The following UBASH3B variants were observed in gnomAD, a reference collection of about 807,000 sequenced individuals.
UBASH3B encodes ubiquitin associated and SH3 domain containing B, also known as ubiquitin-associated and SH3 domain-containing protein B.
UBASH3B carries 37 observed loss-of-function variants against 83.4 expected under a neutral mutation model. The ratio of observed to expected loss-of-function variants is 0.44; its 90% CI spans 0.34 to 0.58. The LOEUF (loss-of-function observed/expected upper bound fraction) is 0.58. Among genes scored for constraint, UBASH3B ranks in the 20% least tolerant of loss-of-function variants. The pLI, the probability that UBASH3B is intolerant of heterozygous loss-of-function variation, is 0.01. For synonymous variants in UBASH3B, 304 were observed against 318.3 expected (o/e 0.96, Z 0.48); for missense variants, 657 against 827.2 (o/e 0.79, Z 2.52).
intron 1 of UBASH3B, among the ~76,000 whole-genome samples, chr11:122,773,708 C>A (rs1860685786): frequency 1.3e-5 from 2 of 152,068 alleles, no homozygotes; most frequent in Admixed American, 1.3e-4. Flanking sequence ...ATCACCCAAA[C>A]CTTTCATTAT....
chr11:122,723,830 CAGGGTGGCCCTG>C (rs570185940), intron 1 of UBASH3B, among the ~76,000 whole-genome samples: 1 of 152,330 alleles, frequency 6.6e-6, no homozygotes, highest in African/African-American at 2.4e-5. Flanking sequence ...AGGAAGGAGG[CAGGGTGGCCCTG>C]GGGGTGGCTA....
At chr11:122,797,864 G>C (rs1207535213) in intron 9 of UBASH3B, among the ~76,000 whole-genome samples, 1 of 152,284 alleles carries the variant, frequency 6.6e-6, no homozygotes, top group East Asian at 1.9e-4. Flanking sequence ...GAAACAAAGT[G>C]TCTTGTGTCT....
At position 122,799,027 on chromosome 11, in the gene UBASH3B, C is replaced by T. The variant is rs1476443732; in HGVS notation, c.1443C>T (p.Ile481=). ...SLRCVQTAHN[I]LKGLQQENHL... ...GCTGCGTTCAGACTGCACACAATAT[C>T]TTGAAAGGTAAGACTTGCAGGTTGA... The change falls in exon 10 of 14, where the codon ATC becomes ATT. Residue 481 remains isoleucine (I), a synonymous_variant. Transcript: ENST00000284273. The T allele has an allele frequency of 2.5e-6, 4 of 1,613,850 alleles. No individual in the cohort carries two copies. In the East Asian group the frequency reaches 8.9e-5, roughly 36 times the overall value.
intron 10 of UBASH3B, 133 bp from the exon 11 acceptor site, chr11:122,801,055 T>G: frequency 1.8e-6 from 2 of 1,105,532 alleles, no homozygotes; most frequent in Non-Finnish European, 2.6e-6. Flanking sequence ...CAAATCCACA[T>G]GCTTCCATTT....
chr11:122,792,142 C>A (rs1324919358), intron 6 of UBASH3B, among the ~76,000 whole-genome samples: 1 of 151,856 alleles, frequency 6.6e-6, no homozygotes, highest in South Asian at 2.1e-4. Flanking sequence ...GGCTGGCATT[C>A]GTCTTGCCAT....
At chr11:122,809,721 T>A (rs767731987) in intron 13 of UBASH3B, 28 bp from the exon 14 acceptor site, 1 of 1,613,450 alleles carries the variant, frequency 6.2e-7, no homozygotes, top group Admixed American at 1.7e-5. Context: ...TCTCCTAATA[T>A]CCCCTTTCTT....
At chr11:122,771,738 G>A (rs886134566) in intron 1 of UBASH3B, among the ~76,000 whole-genome samples, 2 of 139,482 alleles carry the variant, frequency 1.4e-5, no homozygotes, top group African/African-American at 5.3e-5. Flanking sequence ...CAACTTAAGA[G>A]CTGTGTTAAA....
At chr11:122,729,795 C>CA (rs71054092) in intron 1 of UBASH3B, among the ~76,000 whole-genome samples, 1,414 of 40,750 alleles carry the variant, frequency 0.035, 39 homozygotes, top group African/African-American at 0.07. Flanking sequence ...CCTATCTCTA[C>CA]AAAAAAAAAA....
rs150624943 is a variant in UBASH3B, at chr11:122,808,122, A to G, written c.1758A>G (p.Gln586=). 4.8e-4 allele frequency: 770 copies of G among 1,614,148 alleles called. 3 individuals carry two copies. The African/African-American group carries it at 8.2e-3, about 17-fold the overall frequency. ...HASSLEACTC[Q]LQGLSPQNSK... ...CTTCCCTTGAAGCGTGTACCTGCCA[A>G]CTTCAGGGCCTGTCACCTCAGAACT... Residue 586 remains glutamine (Q), a synonymous_variant, in exon 13 of 14, where the codon CAA becomes CAG. Coordinates refer to ENST00000284273, the MANE Select transcript of UBASH3B (RefSeq NM_032873.5).
At chr11:122,661,627 T>C (rs944197502) in intron 1 of UBASH3B, among the ~76,000 whole-genome samples, 7 of 152,194 alleles carry the variant, frequency 4.6e-5, no homozygotes, top group Admixed American at 4.6e-4. Context: ...CCCTTCTATC[T>C]GTGTTATTAT....
chr11:122,756,260 C>T (rs1304787212), intron 1 of UBASH3B, among the ~76,000 whole-genome samples: 5 of 152,172 alleles, frequency 3.3e-5, no homozygotes, highest in Non-Finnish European at 7.3e-5. Flanking sequence ...GACTACATCT[C>T]GATAATTAGA....
intron 1 of UBASH3B, among the ~76,000 whole-genome samples, chr11:122,769,865 C>T (rs190463604): frequency 6.6e-6 from 1 of 152,282 alleles, no homozygotes; most frequent in Non-Finnish European, 1.5e-5. Flanking sequence ...AATGAGGCAT[C>T]TGATTAATTA....
At chr11:122,676,049 C>G (rs1292267676) in intron 1 of UBASH3B, among the ~76,000 whole-genome samples, 5 of 152,346 alleles carry the variant, frequency 3.3e-5, no homozygotes, top group African/African-American at 1.2e-4. Flanking sequence ...TGAAGTTTAT[C>G]TGGCTTTAGA....
rs1861484193 is a variant in UBASH3B, at chr11:122,813,437, C to G, written c.*3551C>G. The G allele has an allele frequency of 6.6e-6, 1 of 152,178 alleles. No homozygotes were observed. The highest frequency in any genetic ancestry group is 2.1e-4 in the South Asian group (1 of 4,834). 9.4% of individuals were successfully genotyped at this position (152,178 alleles called of 1,614,324 possible). A position where few individuals can be genotyped will look rare whatever the true frequency, so the allele number is the denominator to read the frequency against. The stretch of plus-strand genomic sequence containing the variant: ...GCAAGTCCAGTGTTTAATTTCAAAG[C>G]AGTGATGAATTGCTCTTTTGAAATT... On this transcript the variant is annotated 3_prime_UTR_variant, in exon 14 of 14. Transcript: ENST00000284273.
In UBASH3B at chr11:122,759,010, T is replaced by G; in HGVS notation, c.162-17209T>G. Reference sequence around the variant, plus strand: ...GGCTTAAAACACACATTTTCCCAGTTTCTGTAGGTCAGGAGCCCAGGCATG... The same window carrying G: ...GGCTTAAAACACACATTTTCCCAGTGTCTGTAGGTCAGGAGCCCAGGCATG... On this transcript the variant is annotated intron_variant, in intron 1 of 13. Coordinates refer to ENST00000284273, the MANE Select transcript of UBASH3B (RefSeq NM_032873.5). This position sits in a 1 kb window ranked among gnomAD's most constrained non-coding sequence, Gnocchi z 4.1. Among the ~76,000 whole-genome samples, 1 of 152,196 alleles carries G rather than the reference T, an allele frequency of 6.6e-6. No individual in the cohort carries two copies. The highest frequency in any genetic ancestry group is 1.9e-4 in the East Asian group (1 of 5,196).
In UBASH3B at chr11:122,731,365, A is replaced by G. The variant is rs113119156; in HGVS notation, c.162-44854A>G. Among the ~76,000 whole-genome samples, 835 of 152,240 alleles carry G rather than the reference A, an allele frequency of 5.5e-3. 3 individuals carry two copies. The highest frequency in any genetic ancestry group is 0.019 in the African/African-American group (779 of 41,530). On this transcript the variant is annotated intron_variant, in intron 1 of 13. Coordinates refer to ENST00000284273, the MANE Select transcript of UBASH3B (RefSeq NM_032873.5). ...TTTCATTATTAAGTTGAGAACTTTC[A>G]CCTTTTCACTTAAATGGAGAACTTT...
In UBASH3B at chr11:122,656,170, C is replaced by T; in HGVS notation, c.121C>T (p.Leu41=). 1 of 1,557,606 alleles carries T rather than the reference C, an allele frequency of 6.4e-7. No homozygotes were observed. Among genetic ancestry groups the T allele is most frequent in the Non-Finnish European group, 8.7e-7 (1 of 1,153,804 alleles). Residue 41 remains leucine (L), a synonymous_variant, in exon 1 of 14, where the codon CTG becomes TTG. Coordinates refer to ENST00000284273, the MANE Select transcript of UBASH3B (RefSeq NM_032873.5). ...RPGTIKHGSA[L]DVLLSMGFPR... ...CGGCACCATCAAGCATGGATCGGCGCTGGACGTGCTCCTCTCCATGGGGTT... is the reference window on the plus strand; with the variant it reads ...CGGCACCATCAAGCATGGATCGGCGTTGGACGTGCTCCTCTCCATGGGGTT...
chr11:122,809,101 G>A lies in UBASH3B; in HGVS notation c.1813-648G>A, dbSNP rs1452139259. On this transcript the variant is annotated intron_variant, in intron 13 of 13. Coordinates refer to ENST00000284273, the MANE Select transcript of UBASH3B (RefSeq NM_032873.5). ...TTTTTTCTTTTTTTTTTGAGACAGA[G>A]CCTTGCTCTGTCACCCAGGCTAGAG... Among the ~76,000 whole-genome samples the A allele has an allele frequency of 5.9e-5, 9 of 151,452 alleles. No individual in the cohort carries two copies. The South Asian group carries it at 1.9e-3, about 32-fold the overall frequency.
At chr11:122,785,032 CCTTT>C (rs1157468106) in intron 5 of UBASH3B, among the ~76,000 whole-genome samples, 2 of 152,094 alleles carry the variant, frequency 1.3e-5, no homozygotes, top group Non-Finnish European at 2.9e-5. Context: ...TGAGAAGTCA[CCTTT>C]CTAAGAGAAG....
Sources: allele counts gnomAD v4.1 joint callset (sites outside exome capture counted in the v4.1 genomes callset), GRCh38; gene constraint gnomAD v4.1.1; non-coding constraint Gnocchi (gnomAD v3.1); transcripts MANE v1.5; gene names NCBI Gene and HGNC (gene_info 2026-07-23, HGNC 2026-07-21).